The following MAP3K19 variants were observed in gnomAD, a reference collection of about 807,000 sequenced individuals.
The protein encoded by MAP3K19 is SPS1/STE20-related protein kinase YSK4.
A neutral mutation model predicts 114.4 loss-of-function variants in MAP3K19; 91 were observed. The observed-to-expected ratio is 0.80, with a 90% CI of 0.67 to 0.95. The LOEUF is 0.95. Among genes scored for constraint, MAP3K19 ranks in the 40% least tolerant of loss-of-function variants. The pLI is 0.00. For missense variants in MAP3K19, 1,471 were observed against 1,573.2 expected (o/e 0.94, Z 1.10); for synonymous variants, 518 against 530.5 (o/e 0.98, Z 0.32).
At chr2:135,039,329 T>C (rs1321721513) in intron 2 of MAP3K19, among the ~76,000 whole-genome samples, 3 of 151,904 alleles carry the variant, frequency 2.0e-5, no homozygotes, top group African/African-American at 7.3e-5. Flanking sequence ...ATGCCTGGAA[T>C]ACCAGCACTT....
At chr2:134,985,141 CCATGCCAACTCT>C (rs1230985024) in intron 10 of MAP3K19, among the ~76,000 whole-genome samples, 1 of 152,188 alleles carries the variant, frequency 6.6e-6, no homozygotes, top group East Asian at 1.9e-4. Flanking sequence ...CTTCCCCACT[CCATGCCAACTCT>C]CATGCCAAAC....
chr2:134,986,943 A>T lies in MAP3K19; in HGVS notation c.1929T>A (p.Asp643Glu), dbSNP rs201468138. The stretch of plus-strand genomic sequence containing the variant: ...CTTTGAACATATCACTATACTTAAG[A>T]TCTAGGTAATTTAGTCTTGGCTCTG... ...QPTEPRLNYL[D>E]LKYSDMFKEI... The change falls in exon 10 of 13, where the codon GAT becomes GAA. Residue 643 changes from aspartate to glutamate, a missense_variant. Asp to Glu is a conservative substitution (Grantham distance 45, BLOSUM62 2). Transcript: ENST00000392915. 6.2e-7 allele frequency: 1 copy of T among 1,614,040 alleles called. No individual in the cohort carries two copies. Among genetic ancestry groups the T allele is most frequent in the Admixed American group, 1.7e-5 (1 of 60,014 alleles).
intron 1 of MAP3K19, among the ~76,000 whole-genome samples, chr2:135,043,072 G>C (rs899577832): frequency 6.6e-6 from 1 of 152,090 alleles, no homozygotes; most frequent in Non-Finnish European, 1.5e-5. Flanking sequence ...AACAGAGCGA[G>C]ACTCCATCTC....
intron 12 of MAP3K19, among the ~76,000 whole-genome samples, chr2:134,967,185 C>T (rs1455386600): frequency 6.6e-6 from 1 of 152,146 alleles, no homozygotes; most frequent in African/African-American, 2.4e-5. Flanking sequence ...CGCCACTCCC[C>T]AGTCTCAATA....
At chr2:135,030,651 T>A (rs991424785) in intron 2 of MAP3K19, among the ~76,000 whole-genome samples, 151 bp from the exon 3 acceptor site, 7 of 152,250 alleles carry the variant, frequency 4.6e-5, no homozygotes, top group African/African-American at 1.2e-4. Context: ...AAAATCTCCA[T>A]GACATGCATG....
intron 3 of MAP3K19, among the ~76,000 whole-genome samples, chr2:135,027,467 C>A (rs1688286202): frequency 6.6e-6 from 1 of 152,108 alleles, no homozygotes; most frequent in African/African-American, 2.4e-5. Flanking sequence ...TCTCGGTTTA[C>A]ATGTGATTTC....
chr2:135,002,090 A>G (rs1037106744), intron 6 of MAP3K19, among the ~76,000 whole-genome samples: 1 of 152,202 alleles, frequency 6.6e-6, no homozygotes, highest in African/African-American at 2.4e-5. Flanking sequence ...AGGCCAGGGA[A>G]GAGGATGCAT....
intron 12 of MAP3K19, among the ~76,000 whole-genome samples, chr2:134,976,761 A>G (rs953973266): frequency 6.7e-6 from 1 of 149,536 alleles, no homozygotes; most frequent in East Asian, 1.9e-4. Flanking sequence ...AAAAAAAAAA[A>G]TACAGCAAGG....
rs1686296655 is a variant in MAP3K19, at chr2:134,999,648, C to A, written c.314+289G>T. On this transcript the variant is annotated intron_variant, in intron 7 of 12. Coordinates refer to ENST00000392915, the MANE Select transcript of MAP3K19 (RefSeq NM_025052.5). This position sits in a 1 kb window ranked among gnomAD's most constrained non-coding sequence, Gnocchi z 4.1. ...ACTACAGCCCGGGGACCAAATCCAG[C>A]CTTCAGCCTTTTTCTGTAGCTTTAA... 6.6e-6 allele frequency among the ~76,000 whole-genome samples: 1 copy of A among 152,170 alleles called. No individual in the cohort carries two copies. Among genetic ancestry groups the A allele is most frequent in the Non-Finnish European group, 1.5e-5 (1 of 68,032 alleles).
chr2:134,997,200 C>T (rs2105281799), intron 8 of MAP3K19, among the ~76,000 whole-genome samples: 1 of 152,330 alleles, frequency 6.6e-6, no homozygotes, highest in Non-Finnish European at 1.5e-5. Context: ...CATCAAAACA[C>T]TGCTTCACCA....
intron 1 of MAP3K19, among the ~76,000 whole-genome samples, chr2:135,043,409 C>A (rs553488011): frequency 6.6e-6 from 1 of 152,090 alleles, no homozygotes; most frequent in Non-Finnish European, 1.5e-5. Context: ...ATGAGCCTGG[C>A]GACTCTCTTT....
chr2:135,036,658 TGTG>T (rs1688536170), intron 2 of MAP3K19, among the ~76,000 whole-genome samples: 1 of 151,534 alleles, frequency 6.6e-6, no homozygotes, highest in Non-Finnish European at 1.5e-5. Flanking sequence ...TGTGTGTGTG[TGTG>T]TGTGTGTGTG....
chr2:135,018,988 G>C (rs1390895853), intron 5 of MAP3K19, among the ~76,000 whole-genome samples: 3 of 151,936 alleles, frequency 2.0e-5, no homozygotes, highest in Non-Finnish European at 2.9e-5. Context: ...AGGAGGCAGA[G>C]ACGGGAAAAT....
chr2:134,981,196 A>G lies in MAP3K19; in HGVS notation c.3545T>C (p.Val1182Ala). The G allele has an allele frequency of 6.2e-7, 1 of 1,614,184 alleles. No homozygotes were observed. The highest frequency in any genetic ancestry group is 8.5e-7 in the Non-Finnish European group (1 of 1,180,050). Residue 1182 changes from valine (V) to alanine (A), a missense_variant, in exon 12 of 13, where the codon GTG becomes GCG. Physicochemically the swap from Val to Ala is moderately conservative, Grantham distance 64 (BLOSUM62 0). Transcript: ENST00000392915. ...ATTTCCTTTGATATCGCGATGTACCACACAGTTCTCATGGAGATAAGCAAC... is the reference window on the plus strand; with the variant it reads ...ATTTCCTTTGATATCGCGATGTACCGCACAGTTCTCATGGAGATAAGCAAC... ...QGVAYLHENC[V>A]VHRDIKGNNV...
chr2:135,022,838 C>T (rs1195736483), intron 4 of MAP3K19, among the ~76,000 whole-genome samples: 1 of 152,146 alleles, frequency 6.6e-6, no homozygotes, highest in African/African-American at 2.4e-5. Flanking sequence ...AGCTGGAAAT[C>T]ACATTTGCTC....
At chr2:134,991,302 AAAAAC>A (rs144837592) in intron 9 of MAP3K19, 109,033 of 471,374 alleles carry the variant, frequency 0.23, 14,879 homozygotes, top group Middle Eastern at 0.56. Flanking sequence ...CTCTGTCTCA[AAAAAC>A]AAAACAAAAC....
chr2:134,990,737 AG>A (rs1397693931), intron 9 of MAP3K19, among the ~76,000 whole-genome samples: 2 of 152,110 alleles, frequency 1.3e-5, no homozygotes, highest in Non-Finnish European at 2.9e-5. Context: ...GGCCTCCCAA[AG>A]TGCTGGGATT....
intron 5 of MAP3K19, among the ~76,000 whole-genome samples, chr2:135,008,014 T>C: frequency 6.6e-6 from 1 of 152,210 alleles, no homozygotes; most frequent in East Asian, 1.9e-4. Context: ...TGTATCTGGC[T>C]TTTTCACTTA....
At chr2:135,005,664 G>T (rs1686761159) in intron 5 of MAP3K19, 133 bp from the exon 6 acceptor site, 1 of 664,010 alleles carries the variant, frequency 1.5e-6, no homozygotes, top group African/African-American at 1.8e-5. Context: ...AAGTATTTAG[G>T]ACTAAAATAA....
Sources: gnomAD v4.1 joint callset for allele counts (sites outside exome capture counted in the v4.1 genomes callset) on GRCh38, gnomAD v4.1.1 for gene constraint, Gnocchi (gnomAD v3.1) non-coding constraint, MANE v1.5 for transcripts, NCBI Gene and HGNC (gene_info 2026-07-23, HGNC 2026-07-21) for gene names.